Variants in RAPGEF5 observed in about 807,000 individuals in gnomAD.
RAPGEF5 encodes the protein Rap guanine nucleotide exchange factor 5.
Under a neutral mutation model 125.2 loss-of-function variants are expected in RAPGEF5, and 65 were observed. The ratio of observed to expected loss-of-function variants is 0.52; its 90% confidence interval spans 0.43 to 0.64. The LOEUF is 0.64. Ranked by LOEUF, RAPGEF5 falls within the 30% of genes least tolerant of loss-of-function variation. RAPGEF5 has a pLI of 0.00. For synonymous variants in RAPGEF5, 391 were observed against 385.9 expected, an observed-to-expected ratio of 1.01 and a Z score of -0.16; for missense variants, 958 against 1,048.1, an observed-to-expected ratio of 0.91 and a Z score of 1.19.
At chr7:22,247,975 T>C (rs1394181010) in intron 7 of RAPGEF5, among the ~76,000 whole-genome samples, 2 of 152,050 alleles carry the variant, frequency 1.3e-5, no homozygotes, top group Non-Finnish European at 2.9e-5. Context: ...GACTACTGGA[T>C]GAGGGAAAGA....
chr7:22,354,396 A>C (rs1296899015), intron 1 of RAPGEF5, among the ~76,000 whole-genome samples: 1 of 152,204 alleles, frequency 6.6e-6, no homozygotes, highest in Non-Finnish European at 1.5e-5. Context: ...GGTCTACAAA[A>C]AGATCCAAGC....
At chr7:22,283,070 C>CAT (rs1782712484) in intron 6 of RAPGEF5, among the ~76,000 whole-genome samples, 1 of 150,334 alleles carries the variant, frequency 6.7e-6, no homozygotes, top group Non-Finnish European at 1.5e-5. Context: ...CACACACACA[C>CAT]GCATGAAAAA....
intron 7 of RAPGEF5, among the ~76,000 whole-genome samples, chr7:22,256,866 T>C (rs1464973101): frequency 1.3e-5 from 2 of 152,242 alleles, no homozygotes; most frequent in African/African-American, 4.8e-5. Context: ...GCAAATCTTA[T>C]GAAGCCTTAA....
intron 3 of RAPGEF5, among the ~76,000 whole-genome samples, chr7:22,310,583 A>G (rs956702024): frequency 6.6e-6 from 1 of 152,212 alleles, no homozygotes; most frequent in African/African-American, 2.4e-5. Flanking sequence ...TCAATTATTT[A>G]TAGATTTTTA....
chr7:22,302,781 C>A (rs1583563133), intron 5 of RAPGEF5, among the ~76,000 whole-genome samples: 1 of 144,810 alleles, frequency 6.9e-6, no homozygotes, highest in South Asian at 2.2e-4. Flanking sequence ...CCCACCCCCG[C>A]CTTTTTTTTT....
At chr7:22,263,788 C>A (rs879421759) in intron 7 of RAPGEF5, among the ~76,000 whole-genome samples, 1 of 149,930 alleles carries the variant, frequency 6.7e-6, no homozygotes, top group Non-Finnish European at 1.5e-5. Flanking sequence ...TTGGAAATAG[C>A]CAAAATACAA....
intron 1 of RAPGEF5, among the ~76,000 whole-genome samples, chr7:22,324,051 T>A (rs550911294): frequency 6.6e-6 from 1 of 152,266 alleles, no homozygotes; most frequent in Non-Finnish European, 1.5e-5. Context: ...GCCGAAATAC[T>A]TAGTAAGTAC....
chr7:22,125,669 G>T lies in RAPGEF5; in HGVS notation c.2482-11C>A, dbSNP rs756794853. ...GTCTGCGATCATATGCTGTAAAGTA[G>T]AACAGGAAACACATCAATGGAAGGG... is the stretch of plus-strand genomic sequence containing the variant. On this transcript the variant is annotated splice_polypyrimidine_tract_variant and intron_variant, in intron 24 of 25. Transcript: ENST00000665637. The T allele has an allele frequency of 3.1e-6, 5 of 1,605,764 alleles. No individual in the cohort carries two copies. The East Asian group carries it at 1.1e-4, about 36-fold the overall frequency.
At chr7:22,348,408 T>C (rs1784265108) in intron 1 of RAPGEF5, among the ~76,000 whole-genome samples, 1 of 152,238 alleles carries the variant, frequency 6.6e-6, no homozygotes, top group Non-Finnish European at 1.5e-5. Context: ...TAATCTCAAG[T>C]TGCTTAAATA....
At chr7:22,172,082 T>C (rs1784367001) in intron 11 of RAPGEF5, among the ~76,000 whole-genome samples, 1 of 152,136 alleles carries the variant, frequency 6.6e-6, no homozygotes, top group Non-Finnish European at 1.5e-5. Flanking sequence ...GCTATACTGA[T>C]GTCATATAGG....
At position 22,147,975 on chromosome 7, in the gene RAPGEF5, A is replaced by T. The variant is rs966734535; in HGVS notation, c.1885-956T>A. On this transcript the variant is annotated intron_variant, in intron 18 of 25. Transcript: ENST00000665637. ...GATGAAAACGTTTCCTATTTTTTTT[A>T]AAAAACCTAATGACTGAAGATCTTC... 7.9e-5 allele frequency among the ~76,000 whole-genome samples: 12 copies of T among 152,212 alleles called. No individual in the cohort carries two copies. The South Asian group carries it at 1.0e-3, about 13-fold the overall frequency.
At chr7:22,211,963 CTT>C (rs749576250) in intron 9 of RAPGEF5, among the ~76,000 whole-genome samples, 142 of 114,334 alleles carry the variant, frequency 1.2e-3, no homozygotes, top group African/African-American at 3.9e-3. Flanking sequence ...CATGTGTTCT[CTT>C]TTTTTTTTTT....
At position 22,346,355 on chromosome 7, in the gene RAPGEF5, CAA is replaced by C. The variant is rs1454511314; in HGVS notation, c.231+10473_231+10474del. 3.9e-5 allele frequency among the ~76,000 whole-genome samples: 6 copies of C among 152,228 alleles called. No individual in the cohort carries two copies. The South Asian group carries it at 1.2e-3, about 32-fold the overall frequency. ...CAGGCATCATACTTCCCCTAATCTCCAAAAGTTATTATTATATCCTCTTCTCA... is the reference window on the plus strand; with the variant it reads ...CAGGCATCATACTTCCCCTAATCTCCAAGTTATTATTATATCCTCTTCTCA... On this transcript the variant is annotated intron_variant, in intron 1 of 25. Transcript: ENST00000665637.
At chr7:22,159,937 C>T (rs772261738) in intron 14 of RAPGEF5, among the ~76,000 whole-genome samples, 1 of 152,022 alleles carries the variant, frequency 6.6e-6, no homozygotes, top group Non-Finnish European at 1.5e-5. Flanking sequence ...AGCTAAATCC[C>T]ATCTCTACCA....
chr7:22,183,268 C>CAAAAA (rs757079018), intron 11 of RAPGEF5, among the ~76,000 whole-genome samples: 8 of 30,962 alleles, frequency 2.6e-4, no homozygotes, highest in East Asian at 1.3e-3. Context: ...GACTCCATCA[C>CAAAAA]AAAAAAAAAA....
intron 7 of RAPGEF5, among the ~76,000 whole-genome samples, chr7:22,241,403 G>A (rs1786327739): frequency 6.6e-6 from 1 of 152,000 alleles, no homozygotes; most frequent in South Asian, 2.1e-4. Context: ...TAAATAGAGG[G>A]GGCAGGGGCA....
intron 8 of RAPGEF5, among the ~76,000 whole-genome samples, chr7:22,224,523 C>T (rs890701173): frequency 9.2e-5 from 14 of 152,098 alleles, no homozygotes; most frequent in Admixed American, 9.2e-4. Context: ...ATGCTAATGA[C>T]CCTCCAAAAT....
chr7:22,330,273 C>G (rs1188622772), intron 1 of RAPGEF5, among the ~76,000 whole-genome samples: 1 of 152,208 alleles, frequency 6.6e-6, no homozygotes, highest in Non-Finnish European at 1.5e-5. Context: ...AGGCTGGGGT[C>G]TGCTGGGAAG....
chr7:22,230,279 C>G (rs1305601617), intron 8 of RAPGEF5, among the ~76,000 whole-genome samples: 1 of 152,182 alleles, frequency 6.6e-6, no homozygotes, highest in Admixed American at 6.5e-5. Flanking sequence ...TCCATGCAAT[C>G]TTTATTGAAA....
Sources: allele counts gnomAD v4.1 joint callset (sites outside exome capture counted in the v4.1 genomes callset), GRCh38; gene constraint gnomAD v4.1.1; transcripts MANE v1.5; gene names NCBI Gene and HGNC (gene_info 2026-07-23, HGNC 2026-07-21).